MTUS2: variants seen among roughly 807,000 people sequenced by gnomAD.
MTUS2 encodes the protein microtubule associated scaffold protein 2.
MTUS2 carries 40 observed loss-of-function variants against 114.1 expected under a neutral mutation model. The observed-to-expected ratio is 0.35, with a 90% CI of 0.27 to 0.46. The LOEUF is 0.46. MTUS2 is among the 20% of genes least tolerant of loss of function. The pLI, the probability that MTUS2 is intolerant of heterozygous loss-of-function variation, is 1.00. For missense variants in MTUS2, 1,679 were observed against 1,705.4 expected, an observed-to-expected ratio of 0.98 and a Z score of 0.27; for synonymous variants, 688 against 672.0, an observed-to-expected ratio of 1.02 and a Z score of -0.37.
At chr13:28,852,429 T>C (rs1876339649) in intron 2 of MTUS2, among the ~76,000 whole-genome samples, 1 of 152,132 alleles carries the variant, frequency 6.6e-6, no homozygotes, top group South Asian at 2.1e-4. Context: ...GTGAAACTAA[T>C]ACAGACATGG....
At chr13:29,487,691 A>AC (rs1881727369) in intron 10 of MTUS2, 8 of 583,082 alleles carry the variant, frequency 1.4e-5, no homozygotes, top group South Asian at 4.0e-5. Flanking sequence ...CTGGAGTTGG[A>AC]CCCCCCTACA....
At chr13:29,459,020 G>GGAAAGA (rs1465534667) in intron 9 of MTUS2, among the ~76,000 whole-genome samples, 7 of 152,174 alleles carry the variant, frequency 4.6e-5, no homozygotes, top group African/African-American at 1.7e-4. Flanking sequence ...TCAGCCTAAG[G>GGAAAGA]GAAAGAGAAA....
intron 5 of MTUS2, among the ~76,000 whole-genome samples, chr13:29,264,709 C>T (rs1274713214): frequency 6.6e-6 from 1 of 152,234 alleles, no homozygotes; most frequent in Non-Finnish European, 1.5e-5. Flanking sequence ...CTGAGCTGTA[C>T]CTGGGACCCT....
intron 5 of MTUS2, among the ~76,000 whole-genome samples, chr13:29,122,922 A>G (rs926274304): frequency 6.6e-6 from 1 of 152,316 alleles, no homozygotes; most frequent in South Asian, 2.1e-4. Context: ...TTTGTGGACA[A>G]TTTCTAATGA....
chr13:29,067,411 A>G (rs961324560), intron 4 of MTUS2, among the ~76,000 whole-genome samples: 2 of 152,188 alleles, frequency 1.3e-5, no homozygotes, highest in Non-Finnish European at 2.9e-5. Flanking sequence ...CCAAGTAGAA[A>G]GTGGTCAAGA....
intron 1 of MTUS2, among the ~76,000 whole-genome samples, chr13:28,830,264 A>G (rs1011630297): frequency 6.6e-6 from 1 of 152,182 alleles, no homozygotes; most frequent in Admixed American, 6.5e-5. Context: ...ACACACAAGC[A>G]GTAGCATATG....
chr13:29,150,620 G>C (rs1892626080), intron 5 of MTUS2, among the ~76,000 whole-genome samples: 1 of 152,086 alleles, frequency 6.6e-6, no homozygotes, highest in East Asian at 1.9e-4. Context: ...GCCAAAGCTG[G>C]TGTCCAGAAG....
intron 5 of MTUS2, among the ~76,000 whole-genome samples, chr13:29,181,430 C>T (rs1275972271): frequency 2.0e-5 from 3 of 152,166 alleles, no homozygotes; most frequent in African/African-American, 7.2e-5. Context: ...ACACTGGACA[C>T]CAGCCTGGGT....
At chr13:29,141,533 C>G (rs1892220119) in intron 5 of MTUS2, among the ~76,000 whole-genome samples, 1 of 152,262 alleles carries the variant, frequency 6.6e-6, no homozygotes, top group East Asian at 1.9e-4. Flanking sequence ...GAAGTCTAAC[C>G]TCATGGAGCC....
chr13:29,201,327 G>C (rs1894945540), intron 5 of MTUS2, among the ~76,000 whole-genome samples: 1 of 149,082 alleles, frequency 6.7e-6, no homozygotes, highest in South Asian at 2.2e-4. Flanking sequence ...GGCTAGGAAT[G>C]CAACCCCTGT....
intron 12 of MTUS2, among the ~76,000 whole-genome samples, chr13:29,493,369 G>A (rs1056047794): frequency 2.0e-5 from 3 of 152,190 alleles, no homozygotes; most frequent in African/African-American, 7.2e-5. Context: ...CCAGCCCCAT[G>A]GAAGAGCTGC....
intron 5 of MTUS2, among the ~76,000 whole-genome samples, chr13:29,150,424 T>C (rs1175852621): frequency 6.6e-6 from 1 of 152,208 alleles, no homozygotes; most frequent in Admixed American, 6.5e-5. Flanking sequence ...AAGTTCCTTA[T>C]GGATTCTGGA....
rs566253079 is a variant in MTUS2, at chr13:28,832,389, G to A, written c.-315-7389G>A. On this transcript the variant is annotated intron_variant, in intron 1 of 15. Coordinates refer to ENST00000612955, the MANE Select transcript of MTUS2 (RefSeq NM_001033602.4). ...AAATTTCAGAAATACAGAAAATGTG[G>A]AAATTAATATACTCCTAGTGGATTA... 3.3e-5 allele frequency among the ~76,000 whole-genome samples: 5 copies of A among 152,130 alleles called. No individual in the cohort carries two copies. The South Asian group carries it at 1.0e-3, about 32-fold the overall frequency.
At chr13:29,019,860 T>A (rs1417342848) in intron 2 of MTUS2, among the ~76,000 whole-genome samples, 1 of 152,246 alleles carries the variant, frequency 6.6e-6, no homozygotes, top group African/African-American at 2.4e-5. Flanking sequence ...AGAGGAAAGC[T>A]GTTTGGATGG....
At chr13:29,293,943 G>A (rs779351817) in intron 6 of MTUS2, among the ~76,000 whole-genome samples, 1 of 152,094 alleles carries the variant, frequency 6.6e-6, no homozygotes, top group African/African-American at 2.4e-5. Flanking sequence ...GCCATTATCA[G>A]TGTGGTGTTC....
chr13:29,230,718 A>G (rs1896289803), intron 5 of MTUS2, among the ~76,000 whole-genome samples: 1 of 152,228 alleles, frequency 6.6e-6, no homozygotes, highest in African/African-American at 2.4e-5. Context: ...CTTCAACTTC[A>G]CAATTTCAGG....
At chr13:29,299,962 AG>A (rs559242213) in intron 6 of MTUS2, among the ~76,000 whole-genome samples, 43 of 151,096 alleles carry the variant, frequency 2.8e-4, no homozygotes, top group African/African-American at 8.7e-4. Context: ...TGAATTTTGG[AG>A]GGGGGGGCAC....
intron 4 of MTUS2, among the ~76,000 whole-genome samples, chr13:29,094,782 TTGACA>T (rs1481454455): frequency 6.6e-6 from 1 of 152,124 alleles, no homozygotes; most frequent in Non-Finnish European, 1.5e-5. Context: ...CTTTATTGAA[TTGACA>T]TCTATCTTCT....
At chr13:28,976,365 G>A (rs1884106956) in intron 2 of MTUS2, among the ~76,000 whole-genome samples, 1 of 152,204 alleles carries the variant, frequency 6.6e-6, no homozygotes, top group Admixed American at 6.5e-5. Context: ...CTAAATTAAT[G>A]TGATGGCAAT....
Sources: allele counts gnomAD v4.1 joint callset (sites outside exome capture counted in the v4.1 genomes callset), GRCh38; gene constraint gnomAD v4.1.1; transcripts MANE v1.5; gene names NCBI Gene and HGNC (gene_info 2026-07-23, HGNC 2026-07-21).